UBA1: variants seen among roughly 807,000 people sequenced by gnomAD.
UBA1 encodes ubiquitin-like modifier-activating enzyme 1.
UBA1 carries 4 observed loss-of-function variants against 84.7 expected under a neutral mutation model. That is an observed-to-expected ratio of 0.05 (90% CI 0.02 to 0.11). The LOEUF is 0.11. UBA1 is among the 10% of genes least tolerant of loss of function. The pLI, the probability that UBA1 is intolerant of heterozygous loss-of-function variation, is 1.00. For synonymous variants in UBA1, 364 were observed against 362.6 expected (o/e 1.00, Z -0.04); for missense variants, 513 against 902.8 (o/e 0.57, Z 5.53).
At chrX:47,194,537 A>G (rs1426628827) in intron 1 of UBA1, among the ~76,000 whole-genome samples, 2 of 111,352 alleles carry the variant, frequency 1.8e-5, no homozygotes, top group East Asian at 2.8e-4. Flanking sequence ...CCTCTTTAGC[A>G]TTTTCCTTCA....
chrX:47,210,708 G>T, intron 18 of UBA1, 134 bp from the exon 19 acceptor site: 1 of 605,006 alleles, frequency 1.7e-6, no homozygotes, highest in Non-Finnish European at 2.7e-6. Context: ...TTTTGTGATT[G>T]GCTCCAGTCC....
chrX:47,193,050 C>A (rs1936090917), upstream of UBA1, among the ~76,000 whole-genome samples: 1 of 110,909 alleles, frequency 9.0e-6, no homozygotes, highest in African/African-American at 3.3e-5. Flanking sequence ...AGTACACGTC[C>A]CCTGGGTTTT....
intron 16 of UBA1, among the ~76,000 whole-genome samples, chrX:47,207,654 G>A (rs545561422): frequency 4.5e-5 from 5 of 111,167 alleles, no homozygotes; most frequent in African/African-American, 1.6e-4. Flanking sequence ...AGGAGTATGA[G>A]GGTGGGAACA....
upstream of UBA1, among the ~76,000 whole-genome samples, chrX:47,193,328 T>C (rs1479838782): frequency 9.0e-6 from 1 of 111,477 alleles, no homozygotes; most frequent in East Asian, 2.8e-4. Flanking sequence ...TACAGTGTAT[T>C]AGATGCAGCA....
At chrX:47,194,553 C>G (rs1936130944) in intron 1 of UBA1, among the ~76,000 whole-genome samples, 2 of 111,847 alleles carry the variant, frequency 1.8e-5, no homozygotes, top group Non-Finnish European at 3.8e-5. Context: ...CTTCAGACCC[C>G]CATCCCACAC....
intron 14 of UBA1, among the ~76,000 whole-genome samples, chrX:47,204,535 C>T (rs918478466): frequency 2.7e-5 from 3 of 111,498 alleles, no homozygotes; most frequent in African/African-American, 9.8e-5. Flanking sequence ...CTTCCTGGCA[C>T]ATAACAAAAT....
chrX:47,206,946 G>A (rs1327297849), intron 16 of UBA1, among the ~76,000 whole-genome samples: 1 of 109,726 alleles, frequency 9.1e-6, no homozygotes, highest in African/African-American at 3.3e-5. Flanking sequence ...TGCACTGTAG[G>A]ATGTTTCTCA....
intron 21 of UBA1, 118 bp downstream of exon 21, chrX:47,212,630 C>G: frequency 1.2e-6 from 1 of 859,192 alleles, no homozygotes; most frequent in Non-Finnish European, 1.7e-6. Flanking sequence ...GTGGGCCTGC[C>G]ATATGGCTCT....
At chrX:47,198,759 T>A in intron 1 of UBA1, 44 bp from the exon 2 acceptor site, 2 of 1,149,142 alleles carry the variant, frequency 1.7e-6, no homozygotes, top group Non-Finnish European at 1.2e-6. Flanking sequence ...AGAAAAACGG[T>A]ACCCATGTGC....
chrX:47,210,205 A>AG, intron 18 of UBA1, 82 bp downstream of exon 18: 1 of 1,086,048 alleles, frequency 9.2e-7, no homozygotes, highest in South Asian at 1.9e-5. Context: ...CCCACTGTGG[A>AG]GTCCAGCTGT....
upstream of UBA1, among the ~76,000 whole-genome samples, chrX:47,193,267 T>C (rs1444238348): frequency 1.8e-5 from 2 of 111,787 alleles, no homozygotes; most frequent in Non-Finnish European, 3.8e-5. Flanking sequence ...TAATTCATTA[T>C]TCAGGACCTG....
In UBA1 at chrX:47,209,647, C is replaced by A. The variant is rs782489505; in HGVS notation, c.1963C>A (p.Leu655Ile). ...LQWARDEFEG[L>I]FKQPAENVNQ... ...GTGGGCTCGGGATGAGTTTGAAGGCCTCTTCAAGCAGCCAGCAGAAAATGT... is the reference window on the plus strand; with the variant it reads ...GTGGGCTCGGGATGAGTTTGAAGGCATCTTCAAGCAGCCAGCAGAAAATGT... The change falls in exon 17 of 26, where the codon CTC becomes ATC. Residue 655 changes from leucine (L) to isoleucine (I), a missense_variant. This residue lies in a region of UBA1 where 40 missense variants were observed against 138.3 expected (regional missense o/e 0.29). Transcript: ENST00000335972. 2.5e-6 allele frequency: 3 copies of A among 1,210,004 alleles called. No homozygotes were observed. Among genetic ancestry groups the A allele is most frequent in the Non-Finnish European group, 3.4e-6 (3 of 895,121 alleles).
rs781978873 is a variant in UBA1 at position 47,203,747 on chromosome X, CT to C, written c.1575+68del. The C allele has an allele frequency of 0.017, 13,814 of 793,593 alleles. No individual in the cohort carries two copies. Among genetic ancestry groups the C allele is most frequent in the East Asian group, 0.019 (460 of 24,788 alleles). The allele number at this position is 793,593 out of a possible 1,213,427, so 65.4% of individuals were successfully genotyped here. ...TTGTCGTCTCACTTTCCTCCTTTTT[CT>C]TTTTTTTTTTTTTTTTGAGACGGAG... On this transcript the variant is annotated intron_variant, in intron 14 of 25. Transcript: ENST00000335972.
In UBA1 at chrX:47,215,047, C is replaced by G; in HGVS notation, c.*118C>G. 1 of 1,036,172 alleles carries G rather than the reference C, an allele frequency of 9.7e-7. No homozygotes were observed. The highest frequency in any genetic ancestry group is 1.3e-6 in the Non-Finnish European group (1 of 749,774). 85.4% of individuals were successfully genotyped at this position (1,036,172 alleles called of 1,213,427 possible). A position where few individuals can be genotyped will look rare whatever the true frequency, so the allele number is the denominator to read the frequency against. On this transcript the variant is annotated 3_prime_UTR_variant, in exon 26 of 26. Coordinates refer to ENST00000335972, the MANE Select transcript of UBA1 (RefSeq NM_003334.4). ...CTAGCCAAGTCTGGTGTTCCCTCAT[C>G]ATCCCCCTACCTGAACCCCTCTTGC...
intron 20 of UBA1, among the ~76,000 whole-genome samples, chrX:47,211,778 G>A (rs782370265): frequency 1.2e-4 from 12 of 102,087 alleles, no homozygotes; most frequent in African/African-American, 3.3e-4. Flanking sequence ...TATCTCCCCC[G>A]TCTTCCTCTC....
At chrX:47,207,427 G>C (rs782279278) in intron 16 of UBA1, among the ~76,000 whole-genome samples, 25 of 112,095 alleles carry the variant, frequency 2.2e-4, no homozygotes, top group Non-Finnish European at 4.1e-4. Context: ...ATCTCATAAT[G>C]TCTTAAGAAA....
At chrX:47,194,712 C>T (rs1381108033) in intron 1 of UBA1, among the ~76,000 whole-genome samples, 1 of 111,649 alleles carries the variant, frequency 9.0e-6, no homozygotes, top group South Asian at 3.8e-4. Flanking sequence ...GAGACTCTGC[C>T]CAGTATTTCT....
At position 47,214,793 on chromosome X, in the gene UBA1, G is replaced by T; in HGVS notation, c.3042-1G>T. On this transcript the variant is annotated splice_acceptor_variant, in intron 25 of 25. Transcript: ENST00000335972. LOFTEE classifies it high-confidence loss of function. Reference sequence around the variant, plus strand: ...CTATACTCCCATCCCCCTATCCCCAGGATGACAGAGATTGTGAGCCGTGTG... The same window carrying T: ...CTATACTCCCATCCCCCTATCCCCATGATGACAGAGATTGTGAGCCGTGTG... 8.3e-7 allele frequency: 1 copy of T among 1,210,899 alleles called. No individual in the cohort carries two copies.
chrX:47,211,693 AT>A (rs1262428395), intron 20 of UBA1, among the ~76,000 whole-genome samples: 3 of 100,326 alleles, frequency 3.0e-5, no homozygotes, highest in Non-Finnish European at 6.0e-5. Context: ...CCATCTGCAT[AT>A]TTTTTCACCA....
Sources: gnomAD v4.1 joint callset for allele counts (sites outside exome capture counted in the v4.1 genomes callset) on GRCh38, gnomAD v4.1.1 for gene constraint, gnomAD v4.1.1 regional missense constraint, MANE v1.5 for transcripts, NCBI Gene and HGNC (gene_info 2026-07-23, HGNC 2026-07-21) for gene names.